Variants in PHLDA3 observed in about 807,000 individuals in gnomAD.
PHLDA3 encodes the protein pleckstrin homology-like domain family A member 3.
PHLDA3 carries 12 observed loss-of-function variants against 7.6 expected under a neutral mutation model. That is an observed-to-expected ratio of 1.58 (90% CI 1.01 to 2.55). The LOEUF (loss-of-function observed/expected upper bound fraction) is 2.55, where lower values mean the gene tolerates loss of function less well. Ranked by LOEUF, PHLDA3 falls within the 30% of genes most tolerant of loss-of-function variation. The probability of loss-of-function intolerance (pLI) is 0.00; values close to 1 mark genes in which losing one functional copy is unlikely to be tolerated. For missense variants in PHLDA3, 177 were observed against 175.6 expected, an observed-to-expected ratio of 1.01 and a Z score of -0.05; for synonymous variants, 104 against 85.1, an observed-to-expected ratio of 1.22 and a Z score of -1.23.
At chr1:201,466,784 C>T (rs1663674735) in intron 1 of PHLDA3, 1 of 152,304 alleles carries the variant, frequency 6.6e-6, no homozygotes, top group African/African-American at 2.4e-5. Context: ...ATTAAGACAT[C>T]ACAAATAACA....
At chr1:201,467,646 AC>A in intron 1 of PHLDA3, 1 of 38,538 alleles carries the variant, frequency 2.6e-5, no homozygotes, top group African/African-American at 7.6e-5. Flanking sequence ...CCATACACAC[AC>A]ACACACACAC....
In PHLDA3 at chr1:201,464,683, T is replaced by C. The variant is rs1663617441; in HGVS notation, c.*1558A>G. ...GCTTTGCAACAGGGAAGGTCAGACA[T>C]GGGAAAACAATGGAGGAAAGGCAGG... On this transcript the variant is annotated 3_prime_UTR_variant, in exon 2 of 2. Transcript: ENST00000367311. 1 of 152,214 alleles carries C rather than the reference T, an allele frequency of 6.6e-6. No individual in the cohort carries two copies. The highest frequency in any genetic ancestry group is 1.5e-5 in the Non-Finnish European group (1 of 68,072). The allele number at this position is 152,214 out of a possible 1,614,324, so 9.4% of individuals were successfully genotyped here. A position where few individuals can be genotyped will look rare whatever the true frequency, so the allele number is the denominator to read the frequency against.
At chr1:201,468,309 A>C in intron 1 of PHLDA3, 32 bp downstream of exon 1, 2 of 1,335,296 alleles carry the variant, frequency 1.5e-6, no homozygotes, top group South Asian at 2.5e-5. Flanking sequence ...GGAGGGAAGG[A>C]GAGAAGAGGG....
At position 201,468,915 on chromosome 1, in the gene PHLDA3, T is replaced by C; in HGVS notation, c.-129A>G. On this transcript the variant is annotated 5_prime_UTR_variant, in exon 1 of 2. Coordinates refer to ENST00000367311, the MANE Select transcript of PHLDA3 (RefSeq NM_012396.5). ...CGCTGCCCACCTGCGCCCTGACTGC[T>C]CCGCGCACCCACACCGCGGCCCTCA... 1 of 1,054,692 alleles carries C rather than the reference T, an allele frequency of 9.5e-7. No individual in the cohort carries two copies. Among genetic ancestry groups the C allele is most frequent in the Non-Finnish European group, 1.3e-6 (1 of 796,244 alleles). 65.3% of individuals were successfully genotyped at this position (1,054,692 alleles called of 1,614,324 possible). A position where few individuals can be genotyped will look rare whatever the true frequency, so the allele number is the denominator to read the frequency against.
rs1391013382 is a variant in PHLDA3 at position 201,464,998 on chromosome 1, G to C, written c.*1243C>G. 4 of 152,162 alleles carry C rather than the reference G, an allele frequency of 2.6e-5. No individual in the cohort carries two copies. Among genetic ancestry groups the C allele is most frequent in the African/African-American group, 9.7e-5 (4 of 41,402 alleles). The allele number at this position is 152,162 out of a possible 1,614,324, so 9.4% of individuals were successfully genotyped here. A position where few individuals can be genotyped will look rare whatever the true frequency, so the allele number is the denominator to read the frequency against. ...CTGGCTAATTTTTGTTTTTAGTAGA[G>C]ACAGGGTTTCACCAAGTTGGCCAGG... is the stretch of plus-strand genomic sequence containing the variant. On this transcript the variant is annotated 3_prime_UTR_variant, in exon 2 of 2. Transcript: ENST00000367311.
chr1:201,469,002 C>T lies in PHLDA3; in HGVS notation c.-216G>A. 1 of 452,188 alleles carries T rather than the reference C, an allele frequency of 2.2e-6. No homozygotes were observed. The highest frequency in any genetic ancestry group is 6.4e-5 in the South Asian group (1 of 15,588). The allele number at this position is 452,188 out of a possible 1,614,324, so 28.0% of individuals were successfully genotyped here. A position where few individuals can be genotyped will look rare whatever the true frequency, so the allele number is the denominator to read the frequency against. Reference sequence around the variant, plus strand: ...AGCGCGCTCCGCGCCCACCGCCCCGCTTCAGCCGGCACCCGCTCCTCCGCT... The same window carrying T: ...AGCGCGCTCCGCGCCCACCGCCCCGTTTCAGCCGGCACCCGCTCCTCCGCT... On this transcript the variant is annotated 5_prime_UTR_variant, in exon 1 of 2. Coordinates refer to ENST00000367311, the MANE Select transcript of PHLDA3 (RefSeq NM_012396.5).
intron 1 of PHLDA3, chr1:201,467,695 G>C (rs533630598): frequency 1.4e-4 from 21 of 152,392 alleles, no homozygotes; most frequent in African/African-American, 4.9e-4. Context: ...TGTAGAGGAG[G>C]AGCTGGATCC....
Position 201,468,326 on chromosome 1 carries a change from C to G in PHLDA3, c.*62+15G>C, listed in dbSNP as rs945173353. The G allele has an allele frequency of 5.3e-6, 8 of 1,512,334 alleles. No homozygotes were observed. In the African/African-American group the frequency reaches 8.3e-5, roughly 16 times the overall value. The allele number at this position is 1,512,334 out of a possible 1,614,324, so 93.7% of individuals were successfully genotyped here. A position where few individuals can be genotyped will look rare whatever the true frequency, so the allele number is the denominator to read the frequency against. ...AGGGAAGGAGAGAAGAGGGCCCAGT[C>G]CCCCGGGGGCTTACCTGCCTTGACC... On this transcript the variant is annotated intron_variant, in intron 1 of 1. Coordinates refer to ENST00000367311, the MANE Select transcript of PHLDA3 (RefSeq NM_012396.5).
chr1:201,466,632 C>T (rs1297455128), intron 1 of PHLDA3: 1 of 152,182 alleles, frequency 6.6e-6, no homozygotes, highest in African/African-American at 2.4e-5. Flanking sequence ...CCTACTCCTA[C>T]TTCTCACAAG....
Position 201,468,433 on chromosome 1 carries a change from C to T in PHLDA3, c.354G>A (p.Gln118=), listed in dbSNP as rs1383738611. 6.2e-7 allele frequency: 1 copy of T among 1,613,950 alleles called. No homozygotes were observed. The highest frequency in any genetic ancestry group is 8.5e-7 in the Non-Finnish European group (1 of 1,179,986). Residue 118 remains glutamine (Q), a synonymous_variant, in exon 1 of 2, where the codon CAG becomes CAA. Transcript: ENST00000367311. ...QQAIQTVRAR[Q]SLGTGTLVS ...ACACGAGGGTCCCGGTCCCGAGGCT[C>T]TGCCGGGCCCGCACTGTCTGGATGG...
Position 201,468,962 on chromosome 1 carries a change from G to A in PHLDA3, c.-176C>T. 5 of 603,646 alleles carry A rather than the reference G, an allele frequency of 8.3e-6. No individual in the cohort carries two copies. Among genetic ancestry groups the A allele is most frequent in the Non-Finnish European group, 1.2e-5 (5 of 400,792 alleles). 37.4% of individuals were successfully genotyped at this position (603,646 alleles called of 1,614,324 possible). A position where few individuals can be genotyped will look rare whatever the true frequency, so the allele number is the denominator to read the frequency against. On this transcript the variant is annotated 5_prime_UTR_variant, in exon 1 of 2. Coordinates refer to ENST00000367311, the MANE Select transcript of PHLDA3 (RefSeq NM_012396.5). ...CTCAGCACCCGGCTGCCGGTGAGGT[G>A]GTGTCGGTGCCCCCAGCGCGCTCCG...
At chr1:201,467,197 A>G (rs1018644830) in intron 1 of PHLDA3, among the ~76,000 whole-genome samples, 36 of 151,836 alleles carry the variant, frequency 2.4e-4, no homozygotes, top group African/African-American at 8.2e-4. Flanking sequence ...AGTCCCAGCT[A>G]CCTGGAGGCT....
rs765163290 is a variant in PHLDA3 at position 201,468,783 on chromosome 1, T to A, written c.4A>T (p.Thr2Ser). 1 of 1,547,580 alleles carries A rather than the reference T, an allele frequency of 6.5e-7. No individual in the cohort carries two copies. The highest frequency in any genetic ancestry group is 8.7e-7 in the Non-Finnish European group (1 of 1,154,816). The change falls in exon 1 of 2, where the codon ACG (threonine) becomes TCG (serine). Residue 2 changes from threonine to serine, a missense_variant. Transcript: ENST00000367311. M[T>S]AAATATVLKE... ...AGCACGGTAGCCGTCGCCGCCGCCG[T>A]CATGGGCGCCCCGAGGTTCGCGGAA...
Position 201,468,690 on chromosome 1 carries a change from G to A in PHLDA3, c.97C>T (p.Leu33Phe). The change falls in exon 1 of 2, where the codon CTC becomes TTC. Residue 33 changes from leucine (L) to phenylalanine (F), a missense_variant. Physicochemically the swap from Leu to Phe is conservative, Grantham distance 22. Transcript: ENST00000367311. The stretch of plus-strand genomic sequence containing the variant: ...AAGAGCTGCAGCCCGCGTTCGGTGA[G>A]GACGCAGCGCTTCCGCTTCCACAGC... Reference protein sequence around the residue: ...LQLWKRKRCVLTERGLQLFEA... With the variant: ...LQLWKRKRCVFTERGLQLFEA... 1.2e-6 allele frequency: 2 copies of A among 1,610,910 alleles called. No homozygotes were observed. The highest frequency in any genetic ancestry group is 1.7e-5 in the Admixed American group (1 of 59,976).
Position 201,468,712 on chromosome 1 carries a change from C to A in PHLDA3, c.75G>T (p.Leu25=). ...TGAGGACGCAGCGCTTCCGCTTCCA[C>A]AGCTGCAGCAGCCCGCCGCTGCGCT... ...LEKRSGGLLQ[L]WKRKRCVLTE... The change falls in exon 1 of 2, where the codon CTG becomes CTT. Residue 25 remains leucine (L), a synonymous_variant. Coordinates refer to ENST00000367311, the MANE Select transcript of PHLDA3 (RefSeq NM_012396.5). The A allele has an allele frequency of 6.2e-7, 1 of 1,604,688 alleles. No homozygotes were observed.
rs571584368 is a variant in PHLDA3, at chr1:201,464,811, T to TTTTA, written c.*1429_*1430insTAAA. On this transcript the variant is annotated 3_prime_UTR_variant, in exon 2 of 2. Coordinates refer to ENST00000367311, the MANE Select transcript of PHLDA3 (RefSeq NM_012396.5). ...TGTCTGTACCTGTTTTCCCGTTTTTTTTGTTGTTGTTGTTTTGAGACTGCG... is the reference window on the plus strand; with the variant it reads ...TGTCTGTACCTGTTTTCCCGTTTTTTTTTATTGTTGTTGTTGTTTTGAGACTGCG... The TTTTA allele has an allele frequency of 2.0e-5, 1 of 50,284 alleles. No individual in the cohort carries two copies. Among genetic ancestry groups the TTTTA allele is most frequent in the African/African-American group, 8.3e-5 (1 of 12,048 alleles). The allele number at this position is 50,284 out of a possible 1,614,324, so 3.1% of individuals were successfully genotyped here. A position where few individuals can be genotyped will look rare whatever the true frequency, so the allele number is the denominator to read the frequency against.
chr1:201,467,351 C>G (rs1663689062), intron 1 of PHLDA3: 1 of 152,308 alleles, frequency 6.6e-6, no homozygotes, highest in South Asian at 2.1e-4. Context: ...TGGCTCACAC[C>G]TGTAATCCCA....
intron 1 of PHLDA3, among the ~76,000 whole-genome samples, chr1:201,467,126 C>T (rs1033009202): frequency 1.3e-4 from 19 of 151,766 alleles, no homozygotes; most frequent in African/African-American, 2.7e-4. Flanking sequence ...GCATGGGCAA[C>T]GTGGGGAAAC....
rs1663744929 is a variant in PHLDA3, at chr1:201,468,656, T to C, written c.131A>G (p.Lys44Arg). 11 of 1,612,866 alleles carry C rather than the reference T, an allele frequency of 6.8e-6. No individual in the cohort carries two copies. Among genetic ancestry groups the C allele is most frequent in the Non-Finnish European group, 9.3e-6 (11 of 1,179,860 alleles). Residue 44 changes from lysine (K) to arginine (R), a missense_variant, in exon 1 of 2, where the codon AAG becomes AGG. Transcript: ENST00000367311. ...TERGLQLFEA[K>R]GTGGRPKELS... ...CTCCTTGGGCCGGCCGCCCGTGCCC[T>C]TGGCCTCGAAGAGCTGCAGCCCGCG...
Sources: allele counts gnomAD v4.1 joint callset (sites outside exome capture counted in the v4.1 genomes callset), GRCh38; gene constraint gnomAD v4.1.1; transcripts MANE v1.5; gene names NCBI Gene and HGNC (gene_info 2026-07-23, HGNC 2026-07-21).